Variants in CACNA1C observed in about 807,000 individuals in gnomAD.
The protein encoded by CACNA1C is calcium voltage-gated channel subunit alpha1 C.
CACNA1C carries 30 observed loss-of-function variants against 229.0 expected under a neutral mutation model. That is an observed-to-expected ratio of 0.13 (90% CI 0.10 to 0.18). The LOEUF is 0.18. CACNA1C is among the 10% of genes least tolerant of loss of function. The pLI, the probability that CACNA1C is intolerant of heterozygous loss-of-function variation, is 1.00. For missense variants in CACNA1C, 1,658 were observed against 2,845.0 expected, an observed-to-expected ratio of 0.58 and a Z score of 9.49; for synonymous variants, 1,114 against 1,132.5, an observed-to-expected ratio of 0.98 and a Z score of 0.33.
At chr12:1,976,400 A>G (rs1315339756) in intron 1 of CACNA1C, among the ~76,000 whole-genome samples, 1 of 152,172 alleles carries the variant, frequency 6.6e-6, no homozygotes, top group Admixed American at 6.5e-5. Context: ...ATGCAGGCTT[A>G]AAAGGAGTCC....
intron 3 of CACNA1C, among the ~76,000 whole-genome samples, chr12:2,297,305 C>T (rs2094136334): frequency 1.3e-5 from 2 of 152,192 alleles, no homozygotes; most frequent in African/African-American, 2.4e-5. Flanking sequence ...TTGTTTTATC[C>T]ATAGCATTGT....
rs138591458 is a variant in CACNA1C at position 2,057,721 on chromosome 12, G to T, written c.49+4110G>T. On this transcript the variant is annotated intron_variant, in intron 1 of 46. Transcript: ENST00000399655. ...TCCAGCACAGACAGCATCCCGCCGA[G>T]CCTGGAGGAAGCCTTTTGGGTGAAT... 1.4e-3 allele frequency among the ~76,000 whole-genome samples: 216 copies of T among 152,310 alleles called. 1 individual carries two copies. The highest frequency in any genetic ancestry group is 4.1e-3 in the African/African-American group (169 of 41,560).
intron 1 of CACNA1C, among the ~76,000 whole-genome samples, chr12:2,011,609 C>G (rs534138642): frequency 6.6e-6 from 1 of 152,110 alleles, no homozygotes; most frequent in Non-Finnish European, 1.5e-5. Flanking sequence ...ATATCAAATG[C>G]GTATCAAATC....
At chr12:2,535,368 AAC>A (rs546866540) in intron 9 of CACNA1C, among the ~76,000 whole-genome samples, 247 of 147,648 alleles carry the variant, frequency 1.7e-3, no homozygotes, top group African/African-American at 4.9e-3. Context: ...CAGCCTGGAC[AAC>A]AGAGTGAGGC....
At chr12:2,278,210 C>T (rs2089678370) in intron 3 of CACNA1C, among the ~76,000 whole-genome samples, 1 of 152,232 alleles carries the variant, frequency 6.6e-6, no homozygotes, top group Non-Finnish European at 1.5e-5. Context: ...AATTTTCATA[C>T]ATAAGATTCA....
At chr12:1,979,439 G>A (rs1414228459) in intron 1 of CACNA1C, among the ~76,000 whole-genome samples, 2 of 151,816 alleles carry the variant, frequency 1.3e-5, no homozygotes, top group African/African-American at 4.8e-5. Flanking sequence ...GGCCTCCCCA[G>A]TAGCTGGGAT....
At chr12:2,442,284 G>A (rs1281541164) in intron 3 of CACNA1C, among the ~76,000 whole-genome samples, 2 of 152,208 alleles carry the variant, frequency 1.3e-5, no homozygotes, top group Non-Finnish European at 2.9e-5. Flanking sequence ...AAGCCATCAT[G>A]ATTCCTGGAA....
chr12:2,641,193 A>G (rs1442930673), intron 30 of CACNA1C, among the ~76,000 whole-genome samples: 3 of 152,006 alleles, frequency 2.0e-5, no homozygotes, highest in East Asian at 1.9e-4. Flanking sequence ...CCTAGCCCAA[A>G]CCCTTATTTG....
rs767925238 is a variant in CACNA1C, at chr12:2,605,886, AG to A, written c.3156+101del. ...ATAGTACAAACGAGACAGTGTCCTG[AG>A]CCAGACTTGGCTTGGATATAACCTC... On this transcript the variant is annotated intron_variant, in intron 24 of 46. Coordinates refer to ENST00000399655, the MANE Select transcript of CACNA1C (RefSeq NM_000719.7). This position sits in a 1 kb window ranked among gnomAD's most constrained non-coding sequence, Gnocchi z 6.2. The A allele has an allele frequency of 2.4e-6, 2 of 846,734 alleles. No homozygotes were observed. Among genetic ancestry groups the A allele is most frequent in the Non-Finnish European group, 4.0e-6 (2 of 504,154 alleles). 52.5% of individuals were successfully genotyped at this position (846,734 alleles called of 1,614,324 possible).
chr12:2,075,448 C>T (rs750236461), intron 1 of CACNA1C, among the ~76,000 whole-genome samples: 61 of 152,190 alleles, frequency 4.0e-4, no homozygotes, highest in Admixed American at 5.2e-4. Context: ...AGAAACCTGA[C>T]GTTCCCAGGG....
intron 1 of CACNA1C, among the ~76,000 whole-genome samples, chr12:2,065,992 G>A (rs902507559): frequency 1.3e-5 from 2 of 152,136 alleles, no homozygotes; most frequent in Admixed American, 6.5e-5. Flanking sequence ...AGGCAATGGA[G>A]GGCCGTTTAA....
chr12:2,422,535 C>CA (rs1258296336), intron 3 of CACNA1C, among the ~76,000 whole-genome samples: 3 of 152,054 alleles, frequency 2.0e-5, no homozygotes, highest in African/African-American at 7.2e-5. Flanking sequence ...TTGGGAGGCT[C>CA]ATTGAAGTAC....
At chr12:2,556,789 T>C (rs1291172992) in intron 10 of CACNA1C, among the ~76,000 whole-genome samples, 162 bp from the exon 11 acceptor site, 1 of 152,178 alleles carries the variant, frequency 6.6e-6, no homozygotes, top group Non-Finnish European at 1.5e-5. Context: ...AATACATAAA[T>C]AGGGTTCTTT....
rs2075679405 is a variant in CACNA1C, at chr12:2,099,923, T to C, written c.50-15301T>C. Among the ~76,000 whole-genome samples, 5 of 152,142 alleles carry C rather than the reference T, an allele frequency of 3.3e-5. 1 individual carries two copies. The South Asian group carries it at 1.0e-3, about 31-fold the overall frequency. ...AGTGCTATGAGATAGGCAGTGTTATTATCTGCTTTTTACAAGTGAGGAAGC... is the reference window on the plus strand; with the variant it reads ...AGTGCTATGAGATAGGCAGTGTTATCATCTGCTTTTTACAAGTGAGGAAGC... On this transcript the variant is annotated intron_variant, in intron 1 of 46. Coordinates refer to ENST00000399655, the MANE Select transcript of CACNA1C (RefSeq NM_000719.7).
intron 13 of CACNA1C, among the ~76,000 whole-genome samples, chr12:2,569,053 A>G (rs1001276607): frequency 6.6e-6 from 1 of 152,158 alleles, no homozygotes; most frequent in African/African-American, 2.4e-5. Flanking sequence ...TTCAAGATCT[A>G]GCCACTGTAA....
Position 2,140,740 on chromosome 12 carries a change from A to C in CACNA1C, c.477+20310A>C, listed in dbSNP as rs183844405. ...CTTCTGTCATATTTATTAAATGCCT[A>C]CTGTGTACCAGGCTAGGTGCTGGAA... On this transcript the variant is annotated intron_variant, in intron 3 of 46. Transcript: ENST00000399655. Among the ~76,000 whole-genome samples, 1,033 of 151,426 alleles carry C rather than the reference A, an allele frequency of 6.8e-3. 43 individuals carry two copies. The highest frequency in any genetic ancestry group is 0.024 in the Middle Eastern group (7 of 294).
At chr12:2,460,504 A>C (rs910837789) in intron 5 of CACNA1C, among the ~76,000 whole-genome samples, 5 of 152,242 alleles carry the variant, frequency 3.3e-5, no homozygotes, top group African/African-American at 1.2e-4. Context: ...AGTGCATTAA[A>C]AGGAAGAATT....
In CACNA1C at chr12:2,493,441, TC is replaced by T. The variant is rs2154571859; in HGVS notation, c.1113+58del. The T allele has an allele frequency of 7.5e-7, 1 of 1,325,516 alleles. No individual in the cohort carries two copies. Among genetic ancestry groups the T allele is most frequent in the South Asian group, 1.2e-5 (1 of 83,562 alleles). The allele number at this position is 1,325,516 out of a possible 1,614,324, so 82.1% of individuals were successfully genotyped here. ...TGGGGGAACAGCGGCCGTGAACCCTTCCCTGACACCTCCCTTTCTCCTCCTC... is the reference window on the plus strand; with the variant it reads ...TGGGGGAACAGCGGCCGTGAACCCTTCCTGACACCTCCCTTTCTCCTCCTC... On this transcript the variant is annotated intron_variant, in intron 7 of 46. Transcript: ENST00000399655. This position sits in a 1 kb window ranked among gnomAD's most constrained non-coding sequence, Gnocchi z 4.6.
chr12:2,565,198 G>T (rs558264053), intron 11 of CACNA1C, among the ~76,000 whole-genome samples: 1 of 152,030 alleles, frequency 6.6e-6, no homozygotes, highest in Non-Finnish European at 1.5e-5. Context: ...GCCGGGCGCG[G>T]TGGCTCACGC....
Sources: gnomAD v4.1 joint callset for allele counts (sites outside exome capture counted in the v4.1 genomes callset) on GRCh38, gnomAD v4.1.1 for gene constraint, Gnocchi (gnomAD v3.1) non-coding constraint, MANE v1.5 for transcripts, NCBI Gene and HGNC (gene_info 2026-07-23, HGNC 2026-07-21) for gene names.